Variants in ALG1 observed in about 807,000 individuals in gnomAD.
ALG1 encodes the protein chitobiosyldiphosphodolichol beta-mannosyltransferase.
Under a neutral mutation model 55.1 loss-of-function variants are expected in ALG1, and 58 were observed. The ratio of observed to expected loss-of-function variants is 1.05; its 90% CI spans 0.85 to 1.31. The LOEUF (loss-of-function observed/expected upper bound fraction) is 1.31. ALG1 is among the 50% of genes most tolerant of loss of function. The probability of loss-of-function intolerance (pLI) is 0.00; values close to 1 mark genes in which losing one functional copy is unlikely to be tolerated. For synonymous variants in ALG1, 309 were observed against 247.0 expected (o/e 1.25, Z -2.35); for missense variants, 761 against 598.6 (o/e 1.27, Z -2.83).
chr16:5,081,362 C>CA lies in ALG1; in HGVS notation c.1072+307dup, dbSNP rs1957015346. On this transcript the variant is annotated intron_variant, in intron 10 of 12. Coordinates refer to ENST00000262374, the MANE Select transcript of ALG1 (RefSeq NM_019109.5). ...CCACTGTTGCCCAGGTGTGGGAGGG[C>CA]AGTGGCTTTGGGAGGTACGGGGACG... is the stretch of plus-strand genomic sequence containing the variant. Among the ~76,000 whole-genome samples the CA allele has an allele frequency of 5.9e-5, 9 of 152,352 alleles. No individual in the cohort carries two copies. In the South Asian group the frequency reaches 1.4e-3, roughly 25 times the overall value.
At position 5,085,475 on chromosome 16, in the gene ALG1, G is replaced by A. The variant is rs908298276; in HGVS notation, c.*594G>A. Reference sequence around the variant, plus strand: ...GGGGCACCCACACGCTTAGATAGCCGATGTCTTATTAGAGGGCAGTTTGTG... The same window carrying A: ...GGGGCACCCACACGCTTAGATAGCCAATGTCTTATTAGAGGGCAGTTTGTG... On this transcript the variant is annotated 3_prime_UTR_variant, in exon 13 of 13. Transcript: ENST00000262374. 79 of 675,748 alleles carry A rather than the reference G, an allele frequency of 1.2e-4. No individual in the cohort carries two copies. The highest frequency in any genetic ancestry group is 3.7e-4 in the African/African-American group (21 of 56,674). The allele number at this position is 675,748 out of a possible 1,614,324, so 41.9% of individuals were successfully genotyped here. A position where few individuals can be genotyped will look rare whatever the true frequency, so the allele number is the denominator to read the frequency against.
rs1408806618 is a variant in ALG1 at position 5,072,991 on chromosome 16, T to A, written c.249T>A (p.Ile83=). The A allele has an allele frequency of 6.2e-7, 1 of 1,614,206 alleles. No homozygotes were observed. The change falls in exon 2 of 13, where the codon ATT becomes ATA. Residue 83 remains isoleucine, a synonymous_variant. Coordinates refer to ENST00000262374, the MANE Select transcript of ALG1 (RefSeq NM_019109.5). The part of the protein sequence containing the change: ...PHDELLQNNR[I]QIVGLTELQS... ...ATGAGCTCTTGCAGAACAACAGAAT[T>A]CAGATTGTGGGGTTGACAGAACTTC... is the stretch of plus-strand genomic sequence containing the variant.
intron 8 of ALG1, 25 bp downstream of exon 8, chr16:5,079,127 G>C (rs540515541): frequency 6.5e-5 from 103 of 1,594,716 alleles, no homozygotes; most frequent in Non-Finnish European, 8.1e-5. Context: ...GCGGTGAGGA[G>C]CTCTGGGCTT....
intron 4 of ALG1, among the ~76,000 whole-genome samples, chr16:5,076,448 T>C (rs1038367035): frequency 2.0e-5 from 3 of 152,196 alleles, no homozygotes; most frequent in Non-Finnish European, 2.9e-5. Context: ...CAGGAGGGTG[T>C]ACCTTTTACA....
At chr16:5,080,905 C>T (rs1012641769) in intron 9 of ALG1, 41 bp from the exon 10 acceptor site, 4 of 1,592,614 alleles carry the variant, frequency 2.5e-6, no homozygotes, top group Non-Finnish European at 8.5e-7. Flanking sequence ...GTGGCAGGGA[C>T]AGAGATGGGT....
At chr16:5,081,110 G>GT in intron 10 of ALG1, 54 bp downstream of exon 10, 3 of 519,946 alleles carry the variant, frequency 5.8e-6, no homozygotes, top group African/African-American at 2.0e-5. Flanking sequence ...GGGTGGGCGG[G>GT]ATGTACTTTT....
intron 4 of ALG1, among the ~76,000 whole-genome samples, chr16:5,076,626 C>T (rs7188762): frequency 6.6e-6 from 1 of 151,904 alleles, no homozygotes; most frequent in Non-Finnish European, 1.5e-5. Flanking sequence ...ATGCCGTGTT[C>T]CGGCTCTACC....
Position 5,072,721 on chromosome 16 carries a change from C to CA in ALG1, c.209-229dup, listed in dbSNP as rs545848626. ...AATTGAGCACCTACTGTTTGCCAGGCATCATGTTAAGTGAAGGTAGGTAAG... is the reference window on the plus strand; with the variant it reads ...AATTGAGCACCTACTGTTTGCCAGGCAATCATGTTAAGTGAAGGTAGGTAAG... On this transcript the variant is annotated intron_variant, in intron 1 of 12. Transcript: ENST00000262374. Among the ~76,000 whole-genome samples, 380 of 152,264 alleles carry CA rather than the reference C, an allele frequency of 2.5e-3. 3 individuals are homozygous for CA. The highest frequency in any genetic ancestry group is 8.9e-3 in the African/African-American group (369 of 41,550).
rs537333921 is a variant in ALG1 at position 5,082,665 on chromosome 16, C to G, written c.1179C>G (p.Asn393Lys). 103 of 1,611,620 alleles carry G rather than the reference C, an allele frequency of 6.4e-5. 2 individuals carry two copies. The Admixed American group carries it at 1.7e-3, about 26-fold the overall frequency. ...FGCCLPVCAV[N>K]FKCLHELVKH... Reference sequence around the variant, plus strand: ...GCTGTTTGCCTGTGTGTGCTGTGAACTTCAAGTGGTAGGAGCAGAACCCAA... The same window carrying G: ...GCTGTTTGCCTGTGTGTGCTGTGAAGTTCAAGTGGTAGGAGCAGAACCCAA... Residue 393 changes from asparagine (N) to lysine (K), a missense_variant, in exon 11 of 13, where the codon AAC becomes AAG. By Grantham distance (94) the Asn-to-Lys change is moderately conservative. Transcript: ENST00000262374.
In ALG1 at chr16:5,079,101, A is replaced by G; in HGVS notation, c.900A>G (p.Glu300=). The part of the protein sequence containing the change: ...EDFSILLAAL[E]KFEQLTLDGH... ...TCTCCATCCTGCTGGCAGCTTTAGAAAGTAGGTGTGTGGCTGCGGTGAGGA... is the reference window on the plus strand; with the variant it reads ...TCTCCATCCTGCTGGCAGCTTTAGAGAGTAGGTGTGTGGCTGCGGTGAGGA... The change falls in exon 8 of 13, where the codon GAA becomes GAG. Residue 300 remains glutamate (E), a splice_region_variant and synonymous_variant. Transcript: ENST00000262374. The G allele has an allele frequency of 6.3e-7, 1 of 1,597,040 alleles. No individual in the cohort carries two copies. The highest frequency in any genetic ancestry group is 8.5e-7 in the Non-Finnish European group (1 of 1,179,576).
chr16:5,074,876 C>G (rs1956880757), intron 3 of ALG1, among the ~76,000 whole-genome samples: 1 of 152,056 alleles, frequency 6.6e-6, no homozygotes, highest in South Asian at 2.1e-4. Flanking sequence ...TTGGACTTTT[C>G]AGGTTGGTTC....
Position 5,073,463 on chromosome 16 carries a change from C to G in ALG1, c.390+207C>G, listed in dbSNP as rs112467044. The G allele has an allele frequency of 4.1e-3, 2,535 of 612,984 alleles. 55 individuals are homozygous for G. Among genetic ancestry groups the G allele is most frequent in the African/African-American group, 0.04 (2,192 of 54,284 alleles). The allele number at this position is 612,984 out of a possible 1,614,324, so 38.0% of individuals were successfully genotyped here. On this transcript the variant is annotated intron_variant, in intron 3 of 12. Coordinates refer to ENST00000262374, the MANE Select transcript of ALG1 (RefSeq NM_019109.5). ...TACAGATAGTCTTACATTGTACTGACTGTGTATCAAGTGTTTTCCATGTAT... is the reference window on the plus strand; with the variant it reads ...TACAGATAGTCTTACATTGTACTGAGTGTGTATCAAGTGTTTTCCATGTAT...
Position 5,071,949 on chromosome 16 carries a change from C to A in ALG1, c.100C>A (p.His34Asn). 6.3e-7 allele frequency: 1 copy of A among 1,587,720 alleles called. No individual in the cohort carries two copies. Among genetic ancestry groups the A allele is most frequent in the Non-Finnish European group, 8.6e-7 (1 of 1,167,240 alleles). ...KRWRRGRAAR[H>N]VVAVVLGDVG... is the part of the protein sequence containing the mutation. The stretch of plus-strand genomic sequence containing the variant: ...CTGGCGCCGGGGGCGGGCGGCCCGG[C>A]ATGTAGTAGCGGTGGTGCTGGGCGA... Residue 34 changes from histidine to asparagine, a missense_variant, in exon 1 of 13, where the codon CAT (histidine) becomes AAT (asparagine). Physicochemically the swap from His to Asn is moderately conservative, Grantham distance 68. Coordinates refer to ENST00000262374, the MANE Select transcript of ALG1 (RefSeq NM_019109.5).
chr16:5,081,165 C>G, intron 10 of ALG1, 109 bp downstream of exon 10: 1 of 1,281,894 alleles, frequency 7.8e-7, no homozygotes, highest in Non-Finnish European at 1.1e-6. Flanking sequence ...GGGACCTGGG[C>G]TCTGGCTGAA....
At chr16:5,073,641 A>G (rs1305685161) in intron 3 of ALG1, among the ~76,000 whole-genome samples, 2 of 152,264 alleles carry the variant, frequency 1.3e-5, no homozygotes, top group Admixed American at 6.5e-5. Flanking sequence ...GAAGTGGTGG[A>G]ATCAGGATTT....
At chr16:5,077,756 T>A in intron 5 of ALG1, 151 bp from the exon 6 acceptor site, 1 of 1,030,902 alleles carries the variant, frequency 9.7e-7, no homozygotes, top group Non-Finnish European at 1.5e-6. Flanking sequence ...GACGTCTCTC[T>A]GTGCATTCCC....
At chr16:5,084,142 A>C (rs1957069050) in intron 12 of ALG1, among the ~76,000 whole-genome samples, 1 of 152,176 alleles carries the variant, frequency 6.6e-6, no homozygotes, top group Non-Finnish European at 1.5e-5. Context: ...TTATTGCAAA[A>C]AGTAATACAT....
At chr16:5,072,339 A>C (rs1256186102) in intron 1 of ALG1, 32 of 1,205,252 alleles carry the variant, frequency 2.7e-5, no homozygotes, top group Non-Finnish European at 3.2e-5. Context: ...CTCCAGGGCT[A>C]GTGCTGGTAG....
intron 6 of ALG1, chr16:5,078,526 G>A (rs1043817386): frequency 2.2e-5 from 17 of 777,088 alleles, no homozygotes; most frequent in South Asian, 6.1e-5. Flanking sequence ...AGTAAGTCCC[G>A]TGGAGAAAAG....
Sources: gnomAD v4.1 joint callset for allele counts (sites outside exome capture counted in the v4.1 genomes callset) on GRCh38, gnomAD v4.1.1 for gene constraint, MANE v1.5 for transcripts, NCBI Gene and HGNC (gene_info 2026-07-23, HGNC 2026-07-21) for gene names.